The following PON1 variants were observed in gnomAD, a reference collection of about 807,000 sequenced individuals.
The protein encoded by PON1 is serum paraoxonase/arylesterase 1.
Under a neutral mutation model 39.2 loss-of-function variants are expected in PON1, and 37 were observed. The observed-to-expected ratio is 0.94, with a 90% CI of 0.73 to 1.24. The LOEUF (loss-of-function observed/expected upper bound fraction) is 1.24. Ranked by LOEUF, PON1 falls within the 50% of genes most tolerant of loss-of-function variation. PON1 has a pLI of 0.00. For missense variants in PON1, 397 were observed against 413.5 expected (o/e 0.96, Z 0.35); for synonymous variants, 148 against 152.2 (o/e 0.97, Z 0.21).
At chr7:95,319,747 G>A (rs1238218569) in intron 1 of PON1, among the ~76,000 whole-genome samples, 1 of 152,128 alleles carries the variant, frequency 6.6e-6, no homozygotes, top group East Asian at 1.9e-4. Context: ...AAATAAAAGG[G>A]GAAGTGATAA....
At chr7:95,311,707 C>T in intron 4 of PON1, 130 bp from the exon 5 acceptor site, 1 of 989,130 alleles carries the variant, frequency 1.0e-6, no homozygotes, top group Non-Finnish European at 1.5e-6. Flanking sequence ...ATTTTCATCT[C>T]TTTGTAGAGA....
chr7:95,310,337 G>C (rs1192295136), intron 5 of PON1, among the ~76,000 whole-genome samples: 1 of 152,196 alleles, frequency 6.6e-6, no homozygotes, highest in African/African-American at 2.4e-5. Context: ...CATTTGCCCA[G>C]CTTCTCCATT....
intron 7 of PON1, among the ~76,000 whole-genome samples, chr7:95,305,909 G>T (rs1214454904): frequency 6.6e-6 from 1 of 152,044 alleles, no homozygotes; most frequent in Non-Finnish European, 1.5e-5. Context: ...TTTCTTGGCT[G>T]TTCCATCAAC....
chr7:95,318,257 A>T, intron 2 of PON1, 66 bp downstream of exon 2: 1 of 1,312,020 alleles, frequency 7.6e-7, no homozygotes, highest in Non-Finnish European at 1.1e-6. Flanking sequence ...CAGGCACATT[A>T]ATCACACAAA....
chr7:95,313,982 G>A (rs991378947), intron 4 of PON1, among the ~76,000 whole-genome samples: 2 of 152,162 alleles, frequency 1.3e-5, no homozygotes, highest in African/African-American at 4.8e-5. Flanking sequence ...CCTGTAGTAG[G>A]ATGAGAACTG....
At chr7:95,305,492 T>C (rs1332115085) in intron 7 of PON1, among the ~76,000 whole-genome samples, 1 of 152,156 alleles carries the variant, frequency 6.6e-6, no homozygotes, top group Admixed American at 6.5e-5. Flanking sequence ...CAGCCTGTCC[T>C]TGTGGAGCTT....
chr7:95,301,656 T>G (rs1807424521), intron 8 of PON1, among the ~76,000 whole-genome samples: 1 of 152,156 alleles, frequency 6.6e-6, no homozygotes, highest in South Asian at 2.1e-4. Flanking sequence ...TATAGTCCGT[T>G]GATTAAACTC....
chr7:95,320,507 T>A (rs1375406326), intron 1 of PON1, among the ~76,000 whole-genome samples: 1 of 152,190 alleles, frequency 6.6e-6, no homozygotes, highest in Non-Finnish European at 1.5e-5. Flanking sequence ...CCGCGTTTAA[T>A]CCTCAAACAC....
At chr7:95,313,113 C>T (rs192708622) in intron 4 of PON1, among the ~76,000 whole-genome samples, 60 of 152,230 alleles carry the variant, frequency 3.9e-4, no homozygotes, top group Non-Finnish European at 5.9e-5. Context: ...TCATGAGAGG[C>T]ATTTGACAGG....
At chr7:95,321,481 A>G (rs1807896153) in intron 1 of PON1, among the ~76,000 whole-genome samples, 1 of 152,180 alleles carries the variant, frequency 6.6e-6, no homozygotes, top group East Asian at 1.9e-4. Context: ...ATTGCTTTTC[A>G]TGGCCTACTA....
At chr7:95,313,103 T>A (rs546454269) in intron 4 of PON1, among the ~76,000 whole-genome samples, 184 of 152,196 alleles carry the variant, frequency 1.2e-3, no homozygotes, top group African/African-American at 4.4e-3. Flanking sequence ...GCAGGAAAGG[T>A]CATGAGAGGC....
At chr7:95,320,881 C>T (rs1050555917) in intron 1 of PON1, among the ~76,000 whole-genome samples, 6 of 152,240 alleles carry the variant, frequency 3.9e-5, no homozygotes, top group Non-Finnish European at 8.8e-5. Context: ...AGAAACCATA[C>T]AGCCTTTGCT....
chr7:95,301,938 A>AT (rs3046658), intron 8 of PON1, among the ~76,000 whole-genome samples: 3 of 148,564 alleles, frequency 2.0e-5, no homozygotes, highest in Admixed American at 2.0e-4. Context: ...AAAAAAAAAA[A>AT]TACAAAAAAT....
intron 3 of PON1, 58 bp from the exon 4 acceptor site, chr7:95,315,548 G>C: frequency 1.9e-6 from 3 of 1,559,014 alleles, no homozygotes; most frequent in Non-Finnish European, 2.6e-6. Context: ...AATGCTAATA[G>C]AGGCGCTGCA....
intron 7 of PON1, among the ~76,000 whole-genome samples, chr7:95,303,877 T>C (rs3917556): frequency 0.091 from 13,783 of 152,244 alleles, 827 homozygotes; most frequent in African/African-American, 0.15. Flanking sequence ...TTAACAAATA[T>C]TCCAGGTTTT....
chr7:95,307,243 A>G (rs1217773867), intron 6 of PON1, among the ~76,000 whole-genome samples: 1 of 151,880 alleles, frequency 6.6e-6, no homozygotes, highest in African/African-American at 2.4e-5. Flanking sequence ...TATTTTTAGT[A>G]GAGATGGGGT....
chr7:95,309,348 G>C (rs1219075392), intron 5 of PON1, among the ~76,000 whole-genome samples: 1 of 149,926 alleles, frequency 6.7e-6, no homozygotes, highest in East Asian at 2.0e-4. Context: ...TTTAGGATTA[G>C]TCTGGATGGG....
At chr7:95,300,104 G>A (rs3917570) in intron 8 of PON1, among the ~76,000 whole-genome samples, 1,853 of 152,276 alleles carry the variant, frequency 0.012, 42 homozygotes, top group African/African-American at 0.042. Context: ...CTTAATTGAG[G>A]AGAAATGTGA....
At chr7:95,316,853 C>A in intron 2 of PON1, 64 bp from the exon 3 acceptor site, 1 of 1,222,324 alleles carries the variant, frequency 8.2e-7, no homozygotes, top group Admixed American at 1.7e-5. Context: ...GGATCCATTT[C>A]TTTATCACAC....
Sources: gnomAD v4.1 joint callset for allele counts (sites outside exome capture counted in the v4.1 genomes callset) on GRCh38, gnomAD v4.1.1 for gene constraint, MANE v1.5 for transcripts, NCBI Gene and HGNC (gene_info 2026-07-23, HGNC 2026-07-21) for gene names.